The following MEAF6 variants were observed in gnomAD, a reference collection of about 807,000 sequenced individuals.
MEAF6 encodes chromatin modification-related protein MEAF6.
Under a neutral mutation model 28.9 loss-of-function variants are expected in MEAF6, and 15 were observed. The ratio of observed to expected loss-of-function variants is 0.52; its 90% CI spans 0.35 to 0.80. MEAF6 has a LOEUF of 0.80. Ranked by LOEUF, MEAF6 falls within the 30% of genes least tolerant of loss-of-function variation. MEAF6 has a pLI of 0.01. For missense variants in MEAF6, 178 were observed against 237.5 expected, an observed-to-expected ratio of 0.75 and a Z score of 1.65; for synonymous variants, 97 against 88.7, an observed-to-expected ratio of 1.09 and a Z score of -0.53.
intron 5 of MEAF6, 60 bp downstream of exon 5, chr1:37,501,744 G>A (rs762055717): frequency 1.1e-5 from 15 of 1,401,152 alleles, no homozygotes; most frequent in Non-Finnish European, 1.4e-5. Flanking sequence ...TTTTATTCTA[G>A]GCAATTCCCT....
In MEAF6 at chr1:37,502,002, G is replaced by A. The variant is rs770439628; in HGVS notation, c.341-6C>T. On this transcript the variant is annotated splice_region_variant and splice_polypyrimidine_tract_variant and intron_variant, in intron 4 of 6. Transcript: ENST00000296214. The stretch of plus-strand genomic sequence containing the variant: ...CGTCCCACTTCCTGGCTCCCCTGAA[G>A]GAAATAAAACACAAGTTTCCAAATG... The A allele has an allele frequency of 1.9e-6, 3 of 1,589,552 alleles. No homozygotes were observed. Among genetic ancestry groups the A allele is most frequent in the South Asian group, 2.2e-5 (2 of 89,330 alleles).
At chr1:37,496,727 G>A (rs1372533108) in intron 5 of MEAF6, 1 of 1,602,292 alleles carries the variant, frequency 6.2e-7, no homozygotes, top group Admixed American at 1.7e-5. Context: ...AATCAAACAT[G>A]CCAGACGGGC....
intron 4 of MEAF6, among the ~76,000 whole-genome samples, chr1:37,504,986 C>T (rs1312338584): frequency 2.6e-5 from 4 of 151,704 alleles, no homozygotes; most frequent in African/African-American, 4.8e-5. Flanking sequence ...CTGGTTCAAA[C>T]GGTTCCCCTG....
intron 2 of MEAF6, 89 bp from the exon 3 acceptor site, chr1:37,509,631 A>C: frequency 8.7e-7 from 1 of 1,152,330 alleles, no homozygotes; most frequent in Non-Finnish European, 1.3e-6. Context: ...CCATGCAGGA[A>C]GCTTCCATGT....
intron 6 of MEAF6, among the ~76,000 whole-genome samples, chr1:37,495,684 C>CAAAAAAAAAAAAAA (rs376230589): frequency 5.7e-5 from 4 of 70,538 alleles, no homozygotes; most frequent in Admixed American, 1.7e-4. Context: ...AACTGTCTCT[C>CAAAAAAAAAAAAAA]AAAAAAAAAA....
At chr1:37,514,550 C>G in intron 1 of MEAF6, 107 bp downstream of exon 1, 1 of 805,658 alleles carries the variant, frequency 1.2e-6, no homozygotes. Flanking sequence ...CGGCCCGCCG[C>G]GCCGCGCCCC....
intron 4 of MEAF6, among the ~76,000 whole-genome samples, chr1:37,506,246 G>C (rs930907679): frequency 6.6e-6 from 1 of 151,726 alleles, no homozygotes; most frequent in African/African-American, 2.4e-5. Flanking sequence ...ACTCCAGCCT[G>C]GGCAATAAAG....
rs1641874198 is a variant in MEAF6, at chr1:37,490,005, CTTTT to C, written c.*4090_*4093del. ...TATCAGCAGTTTATTGTGGTTCAAC[CTTTT>C]ATTTATAAATTAATGACCTACATGT... On this transcript the variant is annotated 3_prime_UTR_variant, in exon 7 of 7. Coordinates refer to ENST00000296214, the MANE Select transcript of MEAF6 (RefSeq NM_001270875.3). Among the ~76,000 whole-genome samples the C allele has an allele frequency of 6.6e-6, 1 of 152,074 alleles. No individual in the cohort carries two copies. Among genetic ancestry groups the C allele is most frequent in the Non-Finnish European group, 1.5e-5 (1 of 68,014 alleles).
At chr1:37,509,565 T>C in intron 2 of MEAF6, 23 bp from the exon 3 acceptor site, 1 of 1,598,584 alleles carries the variant, frequency 6.3e-7, no homozygotes, top group Non-Finnish European at 8.6e-7. Context: ...AGAAACTCAT[T>C]ATGAGCACCA....
chr1:37,507,312 C>T (rs1642518008), intron 4 of MEAF6, among the ~76,000 whole-genome samples: 1 of 131,964 alleles, frequency 7.6e-6, no homozygotes, highest in African/African-American at 2.7e-5. Context: ...AAAAGCAAAA[C>T]TCTGCCTCAA....
At chr1:37,494,140 T>C in intron 6 of MEAF6, 33 bp from the exon 7 acceptor site, 5 of 1,588,542 alleles carry the variant, frequency 3.1e-6, no homozygotes, top group Non-Finnish European at 4.3e-6. Flanking sequence ...CCCAACTTAC[T>C]CTCGGCAGAA....
At chr1:37,513,631 C>T (rs1289920012) in intron 1 of MEAF6, 93 bp from the exon 2 acceptor site, 6 of 1,030,370 alleles carry the variant, frequency 5.8e-6, no homozygotes, top group African/African-American at 1.6e-5. Context: ...GACTCGTAAA[C>T]GCAAGCTTGC....
At chr1:37,500,619 A>G (rs1010476726) in intron 5 of MEAF6, among the ~76,000 whole-genome samples, 3 of 152,210 alleles carry the variant, frequency 2.0e-5, no homozygotes, top group African/African-American at 7.2e-5. Flanking sequence ...TCTAGAAAAC[A>G]CCATTACCAT....
chr1:37,511,178 T>TAA (rs1047223487), intron 2 of MEAF6, among the ~76,000 whole-genome samples: 2 of 152,208 alleles, frequency 1.3e-5, no homozygotes, highest in African/African-American at 4.8e-5. Context: ...ATGCAAAAGG[T>TAA]AAGTATGGGA....
chr1:37,510,637 C>T (rs2148088362), intron 2 of MEAF6, among the ~76,000 whole-genome samples: 1 of 152,292 alleles, frequency 6.6e-6, no homozygotes, highest in East Asian at 1.9e-4. Context: ...TCACCTTGGC[C>T]TTCCAAAGTG....
Position 37,495,887 on chromosome 1 carries a change from C to A in MEAF6, c.565G>T (p.Ala189Ser). The part of the protein sequence containing the change: ...IDLKLNKKPR[A>S]DY ...GAAGTGGTCCGGCTGATACTTACAG[C>A]TCGTGGTTTTTTGTTTAACTTCAGA... Residue 189 changes from alanine (A) to serine (S), a missense_variant and splice_region_variant, in exon 6 of 7, where the codon GCT becomes TCT. Coordinates refer to ENST00000296214, the MANE Select transcript of MEAF6 (RefSeq NM_001270875.3). The A allele has an allele frequency of 6.2e-7, 1 of 1,614,022 alleles. No individual in the cohort carries two copies. The highest frequency in any genetic ancestry group is 2.2e-5 in the East Asian group (1 of 44,864).
chr1:37,493,877 T>C lies in MEAF6; in HGVS notation c.*222A>G. ...GATTACAACATTGTCTTCATCTTCC[T>C]GCAGTTCTGTTACTAAAAATGACAT... On this transcript the variant is annotated 3_prime_UTR_variant, in exon 7 of 7. Coordinates refer to ENST00000296214, the MANE Select transcript of MEAF6 (RefSeq NM_001270875.3). The C allele has an allele frequency of 3.8e-6, 6 of 1,560,880 alleles. No individual in the cohort carries two copies. The highest frequency in any genetic ancestry group is 5.2e-6 in the Non-Finnish European group (6 of 1,154,712).
At chr1:37,503,004 G>A (rs1242301296) in intron 4 of MEAF6, among the ~76,000 whole-genome samples, 2 of 152,100 alleles carry the variant, frequency 1.3e-5, no homozygotes, top group Admixed American at 6.6e-5. Context: ...GTGAACTGGT[G>A]TGATCATAGC....
chr1:37,500,525 G>A (rs992364008), intron 5 of MEAF6, among the ~76,000 whole-genome samples: 25 of 152,284 alleles, frequency 1.6e-4, no homozygotes, highest in Admixed American at 6.5e-5. Context: ...ACAGTTATGC[G>A]ATTAGGATGG....
Sources: allele counts gnomAD v4.1 joint callset (sites outside exome capture counted in the v4.1 genomes callset), GRCh38; gene constraint gnomAD v4.1.1; transcripts MANE v1.5; gene names NCBI Gene and HGNC (gene_info 2026-07-23, HGNC 2026-07-21).